DPP9: variants seen among roughly 807,000 people sequenced by gnomAD.
DPP9 encodes the protein dipeptidyl peptidase 9, also known as dipeptidyl peptidase IV-related protein-2.
Under a neutral mutation model 110.7 loss-of-function variants are expected in DPP9, and 50 were observed. The ratio of observed to expected loss-of-function variants is 0.45; its 90% confidence interval spans 0.36 to 0.57. The LOEUF (loss-of-function observed/expected upper bound fraction) is 0.57, where lower values mean the gene tolerates loss of function less well. DPP9 is among the 20% of genes least tolerant of loss of function. The pLI is 0.00. For missense variants in DPP9, 1,022 were observed against 1,217.9 expected (o/e 0.84, Z 2.39); for synonymous variants, 561 against 514.4 (o/e 1.09, Z -1.23).
rs568735144 is a variant in DPP9 at position 4,699,161 on chromosome 19, A to G, written c.1074+1055T>C. On this transcript the variant is annotated intron_variant, in intron 10 of 21. Coordinates refer to ENST00000262960, the MANE Select transcript of DPP9 (RefSeq NM_139159.5). ...GCGACAGAGCGAGACTCCACCTCAA[A>G]AAAAAAAAAAAAAAAAAAAAAAGAA... Among the ~76,000 whole-genome samples the G allele has an allele frequency of 6.6e-4, 92 of 138,410 alleles. No individual in the cohort carries two copies. The South Asian group carries it at 0.017, about 25-fold the overall frequency. The allele number at this position is 138,410 out of a possible 152,430, so 90.8% of individuals were successfully genotyped here. A position where few individuals can be genotyped will look rare whatever the true frequency, so the allele number is the denominator to read the frequency against.
rs1417576950 is a variant in DPP9 at position 4,675,793 on chromosome 19, CAG to C, written c.*769_*770del. ...CTTTTATTTTTTATTTATTTTGAGACAGAGTTTCGCTCTTGTTGCCCAGGCTG... is the reference window on the plus strand; with the variant it reads ...CTTTTATTTTTTATTTATTTTGAGACAGTTTCGCTCTTGTTGCCCAGGCTG... On this transcript the variant is annotated 3_prime_UTR_variant, in exon 22 of 22. Transcript: ENST00000262960. The C allele has an allele frequency of 2.0e-5, 3 of 152,334 alleles. No homozygotes were observed. Among genetic ancestry groups the C allele is most frequent in the Admixed American group, 2.0e-4 (3 of 15,276 alleles). The allele number at this position is 152,334 out of a possible 1,614,324, so 9.4% of individuals were successfully genotyped here.
intron 4 of DPP9, among the ~76,000 whole-genome samples, chr19:4,706,553 C>T (rs761699645): frequency 6.1e-5 from 9 of 148,100 alleles, no homozygotes; most frequent in Admixed American, 2.7e-4. Flanking sequence ...ACATGGCTCA[C>T]GCCTGTCATC....
rs780037017 is a variant in DPP9, at chr19:4,688,846, G to A, written c.1796C>T (p.Pro599Leu). The change falls in exon 16 of 22, where the codon CCC becomes CTC. Residue 599 changes from proline to leucine, a missense_variant. This residue lies in a region of DPP9 where 810 missense variants were observed against 920.6 expected (regional missense o/e 0.88). Coordinates refer to ENST00000262960, the MANE Select transcript of DPP9 (RefSeq NM_139159.5). ...GCTCAGCTTGTAGACGTGCACGCAG[G>A]GCGGCGTGCTCACGCTGCTGTAGTG... ...VSHYSSVSTPPCVHVYKLSGP... is the reference protein window; with the variant it reads ...VSHYSSVSTPLCVHVYKLSGP... The A allele has an allele frequency of 1.3e-6, 2 of 1,515,452 alleles. No individual in the cohort carries two copies. The highest frequency in any genetic ancestry group is 2.6e-5 in the South Asian group (2 of 75,508). The allele number at this position is 1,515,452 out of a possible 1,614,324, so 93.9% of individuals were successfully genotyped here.
At chr19:4,712,653 G>C (rs747563134) in intron 4 of DPP9, among the ~76,000 whole-genome samples, 3 of 152,208 alleles carry the variant, frequency 2.0e-5, no homozygotes, top group Non-Finnish European at 4.4e-5. Flanking sequence ...CTTGAGAACA[G>C]CCAAAGATGT....
At position 4,694,395 on chromosome 19, in the gene DPP9, C is replaced by T. The variant is rs1009347112; in HGVS notation, c.1516+266G>A. On this transcript the variant is annotated intron_variant, in intron 13 of 21. Coordinates refer to ENST00000262960, the MANE Select transcript of DPP9 (RefSeq NM_139159.5). The surrounding 1 kb of genome is among the most constrained non-coding windows in gnomAD (Gnocchi z 4.0). ...GGTGGGCCGGATTTGACCTGTGGGC[C>T]GTAGGTGGCCAACCCCTGGTTGTGC... The T allele has an allele frequency of 1.5e-5, 8 of 533,752 alleles. No homozygotes were observed. Among genetic ancestry groups the T allele is most frequent in the South Asian group, 8.7e-5 (3 of 34,536 alleles). 33.1% of individuals were successfully genotyped at this position (533,752 alleles called of 1,614,324 possible).
chr19:4,683,233 G>A (rs2090179220), intron 19 of DPP9: 1 of 1,430,786 alleles, frequency 7.0e-7, no homozygotes. Flanking sequence ...GCCTCCCACA[G>A]AGAGCTGCTG....
Position 4,704,054 on chromosome 19 carries a change from C to T in DPP9, c.601G>A (p.Val201Met). 1.2e-6 allele frequency: 2 copies of T among 1,613,988 alleles called. No homozygotes were observed. Among genetic ancestry groups the T allele is most frequent in the Non-Finnish European group, 8.5e-7 (1 of 1,179,868 alleles). The change falls in exon 7 of 22, where the codon GTG (valine) becomes ATG (methionine). Residue 201 changes from valine (V) to methionine (M), a missense_variant and splice_region_variant. Around this residue, in one of 3 missense-constraint regions of DPP9, gnomAD observed 810 missense variants for 920.6 expected, o/e 0.88. Coordinates refer to ENST00000262960, the MANE Select transcript of DPP9 (RefSeq NM_139159.5). The surrounding 1 kb of genome is among the most constrained non-coding windows in gnomAD (Gnocchi z 6.0). ...ATTTCCAGCGGTTTCATAGGGGACACCTGAGGACAGAGACGCCCAGCTCAG... is the reference window on the plus strand; with the variant it reads ...ATTTCCAGCGGTTTCATAGGGGACATCTGAGGACAGAGACGCCCAGCTCAG... ...CRDGGKNGFM[V>M]SPMKPLEIKT...
At position 4,682,991 on chromosome 19, in the gene DPP9, G is replaced by A. The variant is rs985978871; in HGVS notation, c.2332-153C>T. 31 of 1,530,918 alleles carry A rather than the reference G, an allele frequency of 2.0e-5. No individual in the cohort carries two copies. The highest frequency in any genetic ancestry group is 3.9e-5 in the Admixed American group (2 of 50,850). 94.8% of individuals were successfully genotyped at this position (1,530,918 alleles called of 1,614,324 possible). A position where few individuals can be genotyped will look rare whatever the true frequency, so the allele number is the denominator to read the frequency against. ...CCGGCAAGGAAGGGGCCCTCAGACCGCGTGGCCCCCGTGGACGGTGCGTGG... is the reference window on the plus strand; with the variant it reads ...CCGGCAAGGAAGGGGCCCTCAGACCACGTGGCCCCCGTGGACGGTGCGTGG... On this transcript the variant is annotated intron_variant, in intron 19 of 21. Transcript: ENST00000262960. This position sits in a 1 kb window ranked among gnomAD's most constrained non-coding sequence, Gnocchi z 7.1.
chr19:4,683,106 C>T lies in DPP9; in HGVS notation c.2332-268G>A, dbSNP rs1428579883. On this transcript the variant is annotated intron_variant, in intron 19 of 21. Transcript: ENST00000262960. Reference sequence around the variant, plus strand: ...GGGTCCCACTGCCCGTCTGCCTCCTCCTCCTCCTCATCGCCGCCGCCCCGC... The same window carrying T: ...GGGTCCCACTGCCCGTCTGCCTCCTTCTCCTCCTCATCGCCGCCGCCCCGC... 4 of 1,481,662 alleles carry T rather than the reference C, an allele frequency of 2.7e-6. No individual in the cohort carries two copies. In the South Asian group the frequency reaches 3.7e-5, roughly 14 times the overall value. 91.8% of individuals were successfully genotyped at this position (1,481,662 alleles called of 1,614,324 possible).
chr19:4,723,419 C>T (rs2093408137), intron 1 of DPP9, among the ~76,000 whole-genome samples: 1 of 152,048 alleles, frequency 6.6e-6, no homozygotes, highest in Admixed American at 6.6e-5. Context: ...TGGGGAAGCC[C>T]ATCAGGGAAG....
At position 4,684,975 on chromosome 19, in the gene DPP9, G is replaced by A. The variant is rs777808481; in HGVS notation, c.2032-166C>T. On this transcript the variant is annotated intron_variant, in intron 17 of 21. Transcript: ENST00000262960. The surrounding 1 kb of genome is among the most constrained non-coding windows in gnomAD (Gnocchi z 4.8). ...GATGGACACCTGGGAGTGGCAAGGCGGGAGGGGCCCATACTCGGGACCCTG... is the reference window on the plus strand; with the variant it reads ...GATGGACACCTGGGAGTGGCAAGGCAGGAGGGGCCCATACTCGGGACCCTG... 1.5e-5 allele frequency: 13 copies of A among 862,562 alleles called. No homozygotes were observed. The highest frequency in any genetic ancestry group is 8.6e-5 in the South Asian group (6 of 69,878). 53.4% of individuals were successfully genotyped at this position (862,562 alleles called of 1,614,324 possible). A position where few individuals can be genotyped will look rare whatever the true frequency, so the allele number is the denominator to read the frequency against.
chr19:4,691,252 T>C (rs542238522), intron 13 of DPP9, among the ~76,000 whole-genome samples: 12 of 152,096 alleles, frequency 7.9e-5, no homozygotes, highest in East Asian at 1.9e-4. Flanking sequence ...GGCAGGAGGA[T>C]TGCTTGAGGC....
In DPP9 at chr19:4,682,640, T is replaced by C. The variant is rs540325558; in HGVS notation, c.2474+56A>G. ...AGGGCACCCTCATAGAGACAGCTGG[T>C]GCCGGGGTGCAGGAGAAGCCCCGGG... On this transcript the variant is annotated intron_variant, in intron 20 of 21. Coordinates refer to ENST00000262960, the MANE Select transcript of DPP9 (RefSeq NM_139159.5). This position sits in a 1 kb window ranked among gnomAD's most constrained non-coding sequence, Gnocchi z 7.1. The C allele has an allele frequency of 6.9e-6, 11 of 1,584,236 alleles. No homozygotes were observed. In the African/African-American group the frequency reaches 1.5e-4, roughly 21 times the overall value.
At chr19:4,702,519 G>C in intron 8 of DPP9, 84 bp downstream of exon 8, 1 of 1,052,056 alleles carries the variant, frequency 9.5e-7, no homozygotes, top group East Asian at 2.6e-5. Context: ...GAGGTGAAAG[G>C]AGTAAGGCGC....
chr19:4,684,398 C>A lies in DPP9; in HGVS notation c.2178+265G>T. ...TTTTGTTCCAGCAGTGCAAAGGGGC[C>A]GAGATGATCGCCATCACCACCGTCG... is the stretch of plus-strand genomic sequence containing the variant. On this transcript the variant is annotated intron_variant, in intron 18 of 21. Coordinates refer to ENST00000262960, the MANE Select transcript of DPP9 (RefSeq NM_139159.5). The surrounding 1 kb of genome is among the most constrained non-coding windows in gnomAD (Gnocchi z 4.8). 1 of 510,292 alleles carries A rather than the reference C, an allele frequency of 2.0e-6. No individual in the cohort carries two copies. The highest frequency in any genetic ancestry group is 3.5e-6 in the Non-Finnish European group (1 of 283,670). 31.6% of individuals were successfully genotyped at this position (510,292 alleles called of 1,614,324 possible). A position where few individuals can be genotyped will look rare whatever the true frequency, so the allele number is the denominator to read the frequency against.
chr19:4,682,899 ACAGCCAGCAT>A lies in DPP9; in HGVS notation c.2332-71_2332-62del, dbSNP rs2090103740. ...GAGAGAGAAACAGGCGTCGGGTCCT[ACAGCCAGCAT>A]CAGCCGCTGTCCCGGGGCCGCCCTG... On this transcript the variant is annotated intron_variant, in intron 19 of 21. Coordinates refer to ENST00000262960, the MANE Select transcript of DPP9 (RefSeq NM_139159.5). The surrounding 1 kb of genome is among the most constrained non-coding windows in gnomAD (Gnocchi z 7.1). 2.6e-6 allele frequency: 4 copies of A among 1,544,388 alleles called. No individual in the cohort carries two copies. The highest frequency in any genetic ancestry group is 3.5e-6 in the Non-Finnish European group (4 of 1,147,722).
chr19:4,695,638 C>T lies in DPP9; in HGVS notation c.1176-83G>A. 1.6e-6 allele frequency: 2 copies of T among 1,252,462 alleles called. No individual in the cohort carries two copies. Among genetic ancestry groups the T allele is most frequent in the Middle Eastern group, 2.8e-4 (1 of 3,626 alleles). 77.6% of individuals were successfully genotyped at this position (1,252,462 alleles called of 1,614,324 possible). A position where few individuals can be genotyped will look rare whatever the true frequency, so the allele number is the denominator to read the frequency against. Reference sequence around the variant, plus strand: ...ACAGAGAAGCTGGGGACGCAGCGTCCAAACCCGTGTGGAATCAGGGCTGGG... The same window carrying T: ...ACAGAGAAGCTGGGGACGCAGCGTCTAAACCCGTGTGGAATCAGGGCTGGG... On this transcript the variant is annotated intron_variant, in intron 11 of 21. Coordinates refer to ENST00000262960, the MANE Select transcript of DPP9 (RefSeq NM_139159.5). The surrounding 1 kb of genome is among the most constrained non-coding windows in gnomAD (Gnocchi z 4.7).
chr19:4,686,976 G>T (rs35574495), intron 16 of DPP9, among the ~76,000 whole-genome samples: 17,435 of 152,226 alleles, frequency 0.11, 1,378 homozygotes, highest in Non-Finnish European at 0.18. Flanking sequence ...CCTAATGCAG[G>T]CAGTCTTCAA....
chr19:4,723,346 T>C (rs2093405865), intron 1 of DPP9, among the ~76,000 whole-genome samples: 1 of 151,854 alleles, frequency 6.6e-6, no homozygotes, highest in Admixed American at 6.6e-5. Context: ...ACGAGGACGT[T>C]CTTGGGTGCG....
Sources: gnomAD v4.1 joint callset for allele counts (sites outside exome capture counted in the v4.1 genomes callset) on GRCh38, gnomAD v4.1.1 for gene constraint, gnomAD v4.1.1 regional missense constraint, Gnocchi (gnomAD v3.1) non-coding constraint, MANE v1.5 for transcripts, NCBI Gene and HGNC (gene_info 2026-07-23, HGNC 2026-07-21) for gene names.